CCDC12: variants seen among roughly 807,000 people sequenced by gnomAD.
CCDC12 encodes the protein coiled-coil domain containing 12, also known as coiled-coil domain-containing protein 12.
In CCDC12, 28 loss-of-function variants were observed where a neutral mutation model predicts 25.7. That is an observed-to-expected ratio of 1.09 (90% CI 0.81 to 1.50). The LOEUF (loss-of-function observed/expected upper bound fraction) is 1.50, where lower values mean the gene tolerates loss of function less well. CCDC12 is among the 40% of genes most tolerant of loss of function. The pLI is 0.00. For missense variants in CCDC12, 198 were observed against 210.0 expected, an observed-to-expected ratio of 0.94 and a Z score of 0.35; for synonymous variants, 75 against 87.7, an observed-to-expected ratio of 0.86 and a Z score of 0.81.
chr3:46,940,948 G>C (rs752437066), intron 2 of CCDC12, 50 bp downstream of exon 2: 2 of 1,566,962 alleles, frequency 1.3e-6, no homozygotes, highest in African/African-American at 2.7e-5. Flanking sequence ...CTGGGAGACC[G>C]ATGAGTGCTG....
intron 1 of CCDC12, among the ~76,000 whole-genome samples, chr3:46,963,277 T>C (rs1468125767): frequency 1.3e-5 from 2 of 152,228 alleles, no homozygotes; most frequent in Non-Finnish European, 2.9e-5. Flanking sequence ...TTTATGTACT[T>C]TTCTCTCTGT....
At chr3:46,974,491 C>A (rs772006115) in intron 1 of CCDC12, among the ~76,000 whole-genome samples, 23 of 152,148 alleles carry the variant, frequency 1.5e-4, no homozygotes, top group Non-Finnish European at 2.8e-4. Flanking sequence ...TGCCCTAAAT[C>A]CAAGCGAACA....
chr3:46,927,592 T>C (rs972298910), intron 2 of CCDC12, among the ~76,000 whole-genome samples: 4 of 152,178 alleles, frequency 2.6e-5, no homozygotes, highest in African/African-American at 9.7e-5. Context: ...GCGCCCACTG[T>C]GCCCTGCCAC....
At chr3:46,935,284 T>C (rs943718659) in intron 2 of CCDC12, among the ~76,000 whole-genome samples, 1 of 151,782 alleles carries the variant, frequency 6.6e-6, no homozygotes, top group East Asian at 1.9e-4. Flanking sequence ...GGTTGGGAGG[T>C]CGGGACTTGC....
upstream of CCDC12, among the ~76,000 whole-genome samples, chr3:46,978,825 T>C (rs1163091327): frequency 1.3e-5 from 2 of 151,792 alleles, no homozygotes; most frequent in Non-Finnish European, 2.9e-5. Context: ...CTACTAAAAA[T>C]ACAAAAAATT....
At chr3:46,949,000 T>A (rs2034013864) in intron 1 of CCDC12, among the ~76,000 whole-genome samples, 1 of 152,222 alleles carries the variant, frequency 6.6e-6, no homozygotes, top group Non-Finnish European at 1.5e-5. Flanking sequence ...AGGCACCTAG[T>A]GCCCACAGAG....
chr3:46,968,057 C>T (rs1245043396), intron 1 of CCDC12, among the ~76,000 whole-genome samples: 8 of 152,150 alleles, frequency 5.3e-5, no homozygotes, highest in Admixed American at 5.2e-4. Context: ...CATACGTGAA[C>T]ATATTGAGGG....
intron 1 of CCDC12, among the ~76,000 whole-genome samples, chr3:46,955,885 T>C (rs1169391754): frequency 6.6e-6 from 1 of 152,182 alleles, no homozygotes; most frequent in Non-Finnish European, 1.5e-5. Flanking sequence ...TGGTACTTGC[T>C]CATCTACTCA....
chr3:46,937,618 G>A (rs1042057960), intron 2 of CCDC12, among the ~76,000 whole-genome samples: 1 of 152,222 alleles, frequency 6.6e-6, no homozygotes, highest in Non-Finnish European at 1.5e-5. Context: ...GGCCTAGGGG[G>A]TTCTCTGGAA....
intron 1 of CCDC12, among the ~76,000 whole-genome samples, chr3:46,951,719 G>A (rs1388155251): frequency 3.6e-5 from 5 of 138,320 alleles, no homozygotes; most frequent in Admixed American, 7.6e-5. Flanking sequence ...GGCGGAGCTT[G>A]CAGTGAGCCA....
chr3:46,925,031 C>T (rs571715208), intron 3 of CCDC12: 31 of 354,422 alleles, frequency 8.7e-5, no homozygotes, highest in South Asian at 6.6e-4. Flanking sequence ...CAGTGCTCCA[C>T]ACTGCCCGTC....
intron 1 of CCDC12, among the ~76,000 whole-genome samples, chr3:46,948,137 C>A (rs1473078295): frequency 1.3e-5 from 2 of 152,194 alleles, no homozygotes; most frequent in Non-Finnish European, 2.9e-5. Flanking sequence ...TGTTGTAATA[C>A]CTGCTTCACC....
At chr3:46,945,448 G>C (rs190804642) in intron 1 of CCDC12, among the ~76,000 whole-genome samples, 2 of 152,328 alleles carry the variant, frequency 1.3e-5, no homozygotes, top group Admixed American at 1.3e-4. Flanking sequence ...CCTCCTCCCA[G>C]AGCCTTCAGC....
chr3:46,946,643 G>A (rs184866227), intron 1 of CCDC12, among the ~76,000 whole-genome samples: 84 of 152,338 alleles, frequency 5.5e-4, no homozygotes, highest in African/African-American at 1.8e-3. Flanking sequence ...CACCCTGAAC[G>A]GGCACTGTGG....
chr3:46,965,220 C>A (rs73831431), intron 1 of CCDC12, among the ~76,000 whole-genome samples: 1 of 152,188 alleles, frequency 6.6e-6, no homozygotes, highest in Non-Finnish European at 1.5e-5. Flanking sequence ...AGATTAAAAA[C>A]CAGCTTGAAT....
At chr3:46,959,615 C>T (rs1315493499) in intron 1 of CCDC12, among the ~76,000 whole-genome samples, 1 of 152,118 alleles carries the variant, frequency 6.6e-6, no homozygotes, top group Non-Finnish European at 1.5e-5. Context: ...CCAGCCCTTG[C>T]CCTCGAGCTA....
At chr3:46,980,146 A>G (rs2035218495), upstream of CCDC12, among the ~76,000 whole-genome samples, 1 of 152,042 alleles carries the variant, frequency 6.6e-6, no homozygotes, top group South Asian at 2.1e-4. Context: ...CTTCATAGCA[A>G]CCCACCCCCG....
intron 2 of CCDC12, among the ~76,000 whole-genome samples, chr3:46,939,095 G>A (rs1188797423): frequency 1.3e-5 from 2 of 152,168 alleles, no homozygotes; most frequent in African/African-American, 4.8e-5. Flanking sequence ...TTGCCTTCCA[G>A]GGGCCCACAA....
At chr3:46,957,836 G>T (rs980516739) in intron 1 of CCDC12, among the ~76,000 whole-genome samples, 1 of 152,026 alleles carries the variant, frequency 6.6e-6, no homozygotes, top group African/African-American at 2.4e-5. Flanking sequence ...CCAGCTTCTC[G>T]GGAGGCTGAG....
Sources: gnomAD v4.1 joint callset for allele counts (sites outside exome capture counted in the v4.1 genomes callset) on GRCh38, gnomAD v4.1.1 for gene constraint, MANE v1.5 for transcripts, NCBI Gene and HGNC (gene_info 2026-07-23, HGNC 2026-07-21) for gene names.